Variants in SLC2A5 observed in about 807,000 individuals in gnomAD.
SLC2A5 encodes the protein solute carrier family 2, facilitated glucose transporter member 5.
Under a neutral mutation model 50.3 loss-of-function variants are expected in SLC2A5, and 56 were observed. The ratio of observed to expected loss-of-function variants is 1.11; its 90% CI spans 0.90 to 1.39. The LOEUF is 1.39. SLC2A5 is among the 40% of genes most tolerant of loss of function. The pLI, the probability that SLC2A5 is intolerant of heterozygous loss-of-function variation, is 0.00. For synonymous variants in SLC2A5, 269 were observed against 281.9 expected (o/e 0.95, Z 0.46); for missense variants, 566 against 650.1 (o/e 0.87, Z 1.41).
rs201668362 is a variant in SLC2A5 at position 9,037,923 on chromosome 1, C to A, written c.1276G>T (p.Val426Leu). The change falls in exon 11 of 12, where the codon GTG (valine) becomes TTG (leucine). Residue 426 changes from valine to leucine, a missense_variant. Physicochemically the swap from Val to Leu is conservative, Grantham distance 32 (BLOSUM62 1). Transcript: ENST00000377424. ...GSVHWLSNFT[V>L]GLIFPFIQEG... ...TGGATGAACGGGAAGATCAAGCCCA[C>A]GGTGAAGTTGGAGAGCCAGTGCACA... The A allele has an allele frequency of 5.0e-6, 8 of 1,613,938 alleles. No individual in the cohort carries two copies. The highest frequency in any genetic ancestry group is 6.8e-6 in the Non-Finnish European group (8 of 1,180,026).
At chr1:9,067,584 A>G (rs976635977) in intron 1 of SLC2A5, among the ~76,000 whole-genome samples, 1 of 152,146 alleles carries the variant, frequency 6.6e-6, no homozygotes, top group Non-Finnish European at 1.5e-5. Flanking sequence ...TTTCTATAAA[A>G]TGGAGGTGAT....
At chr1:9,061,971 T>G (rs569095749) in intron 1 of SLC2A5, among the ~76,000 whole-genome samples, 36 of 152,318 alleles carry the variant, frequency 2.4e-4, no homozygotes, top group African/African-American at 8.2e-4. Flanking sequence ...CATAGAGCAT[T>G]CAATTCACCC....
At chr1:9,038,403 C>A in intron 10 of SLC2A5, 28 bp downstream of exon 10, 1 of 1,568,528 alleles carries the variant, frequency 6.4e-7, no homozygotes, top group African/African-American at 1.3e-5. Flanking sequence ...GGGGTTGTGA[C>A]ACCCTGAGGC....
At chr1:9,072,531 A>T (rs1642233632), upstream of SLC2A5, 1 of 152,364 alleles carries the variant, frequency 6.6e-6, no homozygotes, top group Admixed American at 6.5e-5. Context: ...GAACAATGTG[A>T]CTTGGACCAG....
At chr1:9,066,891 T>C (rs113671593) in intron 1 of SLC2A5, among the ~76,000 whole-genome samples, 10,968 of 151,330 alleles carry the variant, frequency 0.072, 556 homozygotes, top group Middle Eastern at 0.16. Context: ...GGTGGGAGGA[T>C]TGCTGGAGCC....
intron 3 of SLC2A5, among the ~76,000 whole-genome samples, chr1:9,051,456 A>C (rs914116456): frequency 2.6e-5 from 4 of 152,234 alleles, no homozygotes; most frequent in African/African-American, 4.8e-5. Context: ...AAACTTAAAA[A>C]GAAAACAAAC....
chr1:9,035,748 A>T lies in SLC2A5; in HGVS notation c.*1838T>A, dbSNP rs796765315. The T allele has an allele frequency of 8.5e-5, 13 of 152,366 alleles. No individual in the cohort carries two copies. Among genetic ancestry groups the T allele is most frequent in the African/African-American group, 3.1e-4 (13 of 41,580 alleles). 9.4% of individuals were successfully genotyped at this position (152,366 alleles called of 1,614,324 possible). Reference sequence around the variant, plus strand: ...CATGCTGCTGATAAAGATGTATCAGAGACTGGGTAAATTGCAAAGAAAAAG... The same window carrying T: ...CATGCTGCTGATAAAGATGTATCAGTGACTGGGTAAATTGCAAAGAAAAAG... On this transcript the variant is annotated 3_prime_UTR_variant, in exon 12 of 12. Transcript: ENST00000377424.
chr1:9,055,875 C>T (rs1434833124), intron 3 of SLC2A5, among the ~76,000 whole-genome samples: 2 of 152,166 alleles, frequency 1.3e-5, no homozygotes, highest in African/African-American at 2.4e-5. Flanking sequence ...AATTTCACAC[C>T]ACTGCACTCC....
intron 3 of SLC2A5, among the ~76,000 whole-genome samples, chr1:9,048,518 T>A (rs1455921838): frequency 1.3e-5 from 2 of 151,776 alleles, no homozygotes; most frequent in East Asian, 1.9e-4. Flanking sequence ...CCTCAAAAAA[T>A]AAATAAATAA....
Position 9,037,379 on chromosome 1 carries a change from C to T in SLC2A5, c.*207G>A. On this transcript the variant is annotated 3_prime_UTR_variant, in exon 12 of 12. Transcript: ENST00000377424. The stretch of plus-strand genomic sequence containing the variant: ...TAATTGACTCGGGTCTGGTGACAGG[C>T]CAACATGGAGAGAGACAGCCCAGCT... 1 of 559,398 alleles carries T rather than the reference C, an allele frequency of 1.8e-6. No homozygotes were observed. The highest frequency in any genetic ancestry group is 3.2e-6 in the Non-Finnish European group (1 of 312,910). 34.7% of individuals were successfully genotyped at this position (559,398 alleles called of 1,614,324 possible). A position where few individuals can be genotyped will look rare whatever the true frequency, so the allele number is the denominator to read the frequency against.
At chr1:9,050,143 G>A (rs1961351) in intron 3 of SLC2A5, among the ~76,000 whole-genome samples, 81,876 of 151,776 alleles carry the variant, frequency 0.54, 23,700 homozygotes, top group East Asian at 0.74. Flanking sequence ...CGGGTATGGT[G>A]GCACACACTT....
intron 1 of SLC2A5, among the ~76,000 whole-genome samples, chr1:9,065,931 C>A (rs74051033): frequency 0.023 from 3,483 of 150,284 alleles, 139 homozygotes; most frequent in African/African-American, 0.08. Context: ...GTGATAGAGC[C>A]AGACCCTGCC....
At chr1:9,038,720 A>C in intron 9 of SLC2A5, 108 bp downstream of exon 9, 1 of 1,448,102 alleles carries the variant, frequency 6.9e-7, no homozygotes, top group Non-Finnish European at 9.2e-7. Flanking sequence ...TTGCTAAAAC[A>C]GCTCATTGTG....
chr1:9,091,870 G>A (rs1201153848), upstream of SLC2A5, among the ~76,000 whole-genome samples: 1 of 151,810 alleles, frequency 6.6e-6, no homozygotes, highest in Non-Finnish European at 1.5e-5. Context: ...TTGCCTTTGG[G>A]CACACCCTCC....
chr1:9,053,561 T>A (rs1483621978), intron 3 of SLC2A5, among the ~76,000 whole-genome samples: 1 of 112,978 alleles, frequency 8.9e-6, no homozygotes, highest in African/African-American at 3.3e-5. Context: ...TTATATATAT[T>A]ATATATATTT....
At chr1:9,068,576 T>C (rs1366656440) in intron 1 of SLC2A5, among the ~76,000 whole-genome samples, 12 of 151,702 alleles carry the variant, frequency 7.9e-5, no homozygotes, top group African/African-American at 2.9e-4. Flanking sequence ...CTCAGCCTCC[T>C]GAGTAGCTGG....
Position 9,057,650 on chromosome 1 carries a change from C to A in SLC2A5, c.133-42G>T, listed in dbSNP as rs199797243. The A allele has an allele frequency of 1.1e-5, 18 of 1,583,746 alleles. No individual in the cohort carries two copies. The African/African-American group carries it at 2.4e-4, about 21-fold the overall frequency. On this transcript the variant is annotated intron_variant, in intron 2 of 11. Coordinates refer to ENST00000377424, the MANE Select transcript of SLC2A5 (RefSeq NM_003039.3). ...AACAGAACACCAAAATAATTTGATC[C>A]GGTTTTGCAAGAAGAACATTAGCTG...
At chr1:9,069,665 G>A, upstream of SLC2A5, 2 of 956,966 alleles carry the variant, frequency 2.1e-6, no homozygotes, top group Admixed American at 3.7e-5. Context: ...CATTTTTATA[G>A]CCAGATTAAG....
At chr1:9,090,024 C>T (rs1642446890), upstream of SLC2A5, among the ~76,000 whole-genome samples, 1 of 152,190 alleles carries the variant, frequency 6.6e-6, no homozygotes, top group Admixed American at 6.5e-5. Context: ...TCATCCGTTT[C>T]TGTTGGCGTG....
Sources: gnomAD v4.1 joint callset for allele counts (sites outside exome capture counted in the v4.1 genomes callset) on GRCh38, gnomAD v4.1.1 for gene constraint, MANE v1.5 for transcripts, NCBI Gene and HGNC (gene_info 2026-07-23, HGNC 2026-07-21) for gene names.